ADAM12: variants seen among roughly 807,000 people sequenced by gnomAD.
The protein encoded by ADAM12 is ADAM metallopeptidase domain 12.
A neutral mutation model predicts 106.4 loss-of-function variants in ADAM12; 70 were observed. That is an observed-to-expected ratio of 0.66 (90% CI 0.54 to 0.80). ADAM12 has a LOEUF of 0.80. Among genes scored for constraint, ADAM12 ranks in the 30% least tolerant of loss-of-function variants. The pLI is 0.00. For missense variants in ADAM12, 1,010 were observed against 1,171.9 expected (o/e 0.86, Z 2.02); for synonymous variants, 420 against 433.5 (o/e 0.97, Z 0.39).
At chr10:126,180,428 T>C (rs572024007) in intron 3 of ADAM12, among the ~76,000 whole-genome samples, 1 of 152,332 alleles carries the variant, frequency 6.6e-6, no homozygotes, top group East Asian at 1.9e-4. Flanking sequence ...CGTGTGTTCA[T>C]GTGATCTCTG....
At chr10:126,168,308 T>C (rs5024599) in intron 3 of ADAM12, among the ~76,000 whole-genome samples, 14,839 of 152,156 alleles carry the variant, frequency 0.098, 2,077 homozygotes, top group African/African-American at 0.31. Flanking sequence ...AGCAGTAGTA[T>C]AGCAACAGTG....
intron 2 of ADAM12, among the ~76,000 whole-genome samples, chr10:126,306,780 T>C (rs1366996169): frequency 6.6e-6 from 1 of 152,228 alleles, no homozygotes; most frequent in Non-Finnish European, 1.5e-5. Flanking sequence ...CTCTGAATGT[T>C]TAATAGATTT....
chr10:126,144,496 A>G (rs1265742435), intron 4 of ADAM12, among the ~76,000 whole-genome samples: 1 of 152,100 alleles, frequency 6.6e-6, no homozygotes, highest in Non-Finnish European at 1.5e-5. Flanking sequence ...GAATGAATGA[A>G]TGGATGTGCA....
At chr10:126,324,693 G>T (rs1378303308) in intron 2 of ADAM12, among the ~76,000 whole-genome samples, 5 of 152,144 alleles carry the variant, frequency 3.3e-5, no homozygotes, top group Non-Finnish European at 7.3e-5. Flanking sequence ...TTTCAGGGGA[G>T]AAGGAAGATG....
chr10:126,227,208 C>G (rs1392141608), intron 3 of ADAM12, among the ~76,000 whole-genome samples: 4 of 152,114 alleles, frequency 2.6e-5, no homozygotes, highest in African/African-American at 9.7e-5. Context: ...ACACCACCAC[C>G]ATCACCATCA....
At chr10:126,178,868 G>A (rs1957266199) in intron 3 of ADAM12, among the ~76,000 whole-genome samples, 1 of 152,042 alleles carries the variant, frequency 6.6e-6, no homozygotes, top group African/African-American at 2.4e-5. Context: ...CCAACGTGGT[G>A]AAACCCCATC....
rs1954120241 is a variant in ADAM12 at position 126,039,410 on chromosome 10, T to C, written c.2124A>G (p.Ile708Met). The C allele has an allele frequency of 3.1e-6, 5 of 1,614,158 alleles. No homozygotes were observed. The East Asian group carries it at 1.1e-4, about 36-fold the overall frequency. ...GACACAGGATGGTCACCAGAATTCCTATGGTTAAACCTTGGTTATCTGAAA... is the reference window on the plus strand; with the variant it reads ...GACACAGGATGGTCACCAGAATTCCCATGGTTAAACCTTGGTTATCTGAAA... ...IRQADNQGLT[I>M]GILVTILCLL... The change falls in exon 19 of 23, where the codon ATA (isoleucine) becomes ATG (methionine). Residue 708 changes from isoleucine (I) to methionine (M), a missense_variant. Coordinates refer to ENST00000448723, the MANE Select transcript of ADAM12 (RefSeq NM_001288973.2).
intron 1 of ADAM12, among the ~76,000 whole-genome samples, chr10:126,354,205 G>C (rs1169219570): frequency 2.6e-5 from 4 of 152,014 alleles, no homozygotes; most frequent in African/African-American, 9.7e-5. Flanking sequence ...AAAAGTGATG[G>C]TAAATTTATG....
At chr10:126,227,320 C>T (rs890107798) in intron 3 of ADAM12, among the ~76,000 whole-genome samples, 1 of 152,146 alleles carries the variant, frequency 6.6e-6, no homozygotes, top group Non-Finnish European at 1.5e-5. Flanking sequence ...ATTGCCATCA[C>T]CACCTGTCAT....
At chr10:126,382,298 C>T (rs185907269) in intron 1 of ADAM12, among the ~76,000 whole-genome samples, 67 of 152,302 alleles carry the variant, frequency 4.4e-4, no homozygotes, top group African/African-American at 1.2e-3. Flanking sequence ...TGTCCTACTC[C>T]GACCAACATG....
At chr10:126,252,574 C>T (rs1958808178) in intron 3 of ADAM12, among the ~76,000 whole-genome samples, 1 of 152,162 alleles carries the variant, frequency 6.6e-6, no homozygotes, top group Non-Finnish European at 1.5e-5. Context: ...ATGAGTGTCC[C>T]AGCTCCAGAA....
At chr10:126,359,192 G>A (rs572943333) in intron 1 of ADAM12, among the ~76,000 whole-genome samples, 14 of 152,198 alleles carry the variant, frequency 9.2e-5, no homozygotes, top group Non-Finnish European at 1.8e-4. Context: ...CACAACACAT[G>A]GGAATTCAAG....
intron 3 of ADAM12, among the ~76,000 whole-genome samples, chr10:126,161,487 T>C (rs1676737): frequency 0.57 from 86,324 of 152,080 alleles, 25,145 homozygotes; most frequent in East Asian, 0.75. Flanking sequence ...GACGGAGTGT[T>C]TGCTGCAGGT....
At chr10:126,022,836 A>G (rs1250569017) in intron 21 of ADAM12, among the ~76,000 whole-genome samples, 2 of 152,234 alleles carry the variant, frequency 1.3e-5, no homozygotes, top group African/African-American at 2.4e-5. Context: ...CCAGATATTG[A>G]AGAAAAATCC....
chr10:126,020,613 T>C lies in ADAM12; in HGVS notation c.2530-788A>G, dbSNP rs115846968. Among the ~76,000 whole-genome samples the C allele has an allele frequency of 6.2e-3, 947 of 152,280 alleles. 13 individuals carry two copies. The highest frequency in any genetic ancestry group is 0.021 in the African/African-American group (893 of 41,548). On this transcript the variant is annotated intron_variant, in intron 21 of 22. Transcript: ENST00000448723. ...TTGTTATGAGGATTAAAGAAAATAA[T>C]GCATAGGAAGTTCCCAGCACACAGA...
At chr10:126,222,485 G>C (rs764819280) in intron 3 of ADAM12, among the ~76,000 whole-genome samples, 7 of 150,504 alleles carry the variant, frequency 4.7e-5, no homozygotes, top group Non-Finnish European at 8.9e-5. Flanking sequence ...CTGACTCCCA[G>C]TGAGTGCTCG....
At chr10:126,125,820 ATG>A (rs1158440215) in intron 5 of ADAM12, among the ~76,000 whole-genome samples, 1 of 151,802 alleles carries the variant, frequency 6.6e-6, no homozygotes, top group Non-Finnish European at 1.5e-5. Flanking sequence ...CTAACGACAC[ATG>A]TCCTTAGAAG....
chr10:126,321,904 T>TGG (rs371286030), intron 2 of ADAM12, among the ~76,000 whole-genome samples: 32,329 of 87,170 alleles, frequency 0.37, 3,899 homozygotes, highest in South Asian at 0.42. Flanking sequence ...TACCTGGGGG[T>TGG]CGGGGGGGGG....
Position 126,049,183 on chromosome 10 carries a change from T to C in ADAM12, c.1917+70A>G, listed in dbSNP as rs1179823242. On this transcript the variant is annotated intron_variant, in intron 16 of 22. Coordinates refer to ENST00000448723, the MANE Select transcript of ADAM12 (RefSeq NM_001288973.2). This position sits in a 1 kb window ranked among gnomAD's most constrained non-coding sequence, Gnocchi z 4.4. Reference sequence around the variant, plus strand: ...AAAACCAACAAACCTTGTAACCCAGTTCTTGCTGTTTTTCAATGGGCCCTG... The same window carrying C: ...AAAACCAACAAACCTTGTAACCCAGCTCTTGCTGTTTTTCAATGGGCCCTG... 1.3e-6 allele frequency: 2 copies of C among 1,582,258 alleles called. No individual in the cohort carries two copies. Among genetic ancestry groups the C allele is most frequent in the East Asian group, 4.5e-5 (2 of 44,472 alleles).
Sources: gnomAD v4.1 joint callset for allele counts (sites outside exome capture counted in the v4.1 genomes callset) on GRCh38, gnomAD v4.1.1 for gene constraint, Gnocchi (gnomAD v3.1) non-coding constraint, MANE v1.5 for transcripts, NCBI Gene and HGNC (gene_info 2026-07-23, HGNC 2026-07-21) for gene names.